Variants in CNTNAP2 observed in about 807,000 individuals in gnomAD.
The protein encoded by CNTNAP2 is contactin associated protein 2.
CNTNAP2 carries 98 observed loss-of-function variants against 155.2 expected under a neutral mutation model. The ratio of observed to expected loss-of-function variants is 0.63; its 90% CI spans 0.54 to 0.75. The LOEUF is 0.75. Among genes scored for constraint, CNTNAP2 ranks in the 30% least tolerant of loss-of-function variants. The pLI is 0.00. For missense variants in CNTNAP2, 1,727 were observed against 1,688.1 expected, an observed-to-expected ratio of 1.02 and a Z score of -0.40; for synonymous variants, 651 against 631.2, an observed-to-expected ratio of 1.03 and a Z score of -0.47.
intron 9 of CNTNAP2, among the ~76,000 whole-genome samples, chr7:147,327,862 AT>A (rs989680863): frequency 6.6e-6 from 1 of 152,178 alleles, no homozygotes; most frequent in African/African-American, 2.4e-5. Context: ...AGGAGTGAAA[AT>A]GCAAATGTCA....
intron 1 of CNTNAP2, among the ~76,000 whole-genome samples, chr7:146,566,755 A>G (rs1297241373): frequency 1.3e-5 from 2 of 151,994 alleles, no homozygotes; most frequent in Non-Finnish European, 2.9e-5. Flanking sequence ...AAAGTAGACT[A>G]TTTACAAGAT....
intron 1 of CNTNAP2, among the ~76,000 whole-genome samples, chr7:146,673,313 T>A (rs1445641539): frequency 1.3e-5 from 2 of 152,216 alleles, no homozygotes; most frequent in African/African-American, 4.8e-5. Flanking sequence ...TCATTTCAGT[T>A]TTAACTAAAG....
chr7:147,126,324 A>G (rs1019692613), intron 6 of CNTNAP2, among the ~76,000 whole-genome samples: 1 of 152,198 alleles, frequency 6.6e-6, no homozygotes, highest in Non-Finnish European at 1.5e-5. Flanking sequence ...TTGGATGGCA[A>G]GGTCATTAAT....
chr7:147,994,094 G>T (rs1238955569), intron 15 of CNTNAP2, among the ~76,000 whole-genome samples: 2 of 152,114 alleles, frequency 1.3e-5, no homozygotes, highest in East Asian at 1.9e-4. Context: ...ATTAGGCTGG[G>T]TGCATTGGCT....
chr7:146,606,151 T>C (rs1799043565), intron 1 of CNTNAP2, among the ~76,000 whole-genome samples: 1 of 152,290 alleles, frequency 6.6e-6, no homozygotes, highest in East Asian at 1.9e-4. Context: ...TTGGCATAAT[T>C]ATTAATATAC....
chr7:148,300,344 C>T (rs1222983953), intron 21 of CNTNAP2, among the ~76,000 whole-genome samples: 2 of 152,080 alleles, frequency 1.3e-5, no homozygotes, highest in Non-Finnish European at 2.9e-5. Flanking sequence ...AAGATAAATA[C>T]ATGTGTAAAA....
Position 147,044,049 on chromosome 7 carries a change from C to T in CNTNAP2, c.545C>T (p.Ser182Phe). The T allele has an allele frequency of 6.2e-7, 1 of 1,614,020 alleles. No homozygotes were observed. The highest frequency in any genetic ancestry group is 8.5e-7 in the Non-Finnish European group (1 of 1,179,966). The change falls in exon 4 of 24, where the codon TCT becomes TTT. Residue 182 changes from serine to phenylalanine, a missense_variant. Physicochemically the swap from Ser to Phe is radical, Grantham distance 155. Transcript: ENST00000361727. The stretch of plus-strand genomic sequence containing the variant: ...CTCAGAATTGAAGTTTATGGCTGTT[C>T]TTACTGTGAGTATCGTATTGTTTAA... ...IGLRIEVYGC[S>F]YWADVINFDG...
chr7:146,359,140 T>C (rs1795046040), intron 1 of CNTNAP2, among the ~76,000 whole-genome samples: 2 of 152,224 alleles, frequency 1.3e-5, no homozygotes, highest in Admixed American at 6.5e-5. Flanking sequence ...TTAGAGAGAA[T>C]AGGAATTTTC....
chr7:147,949,020 G>A (rs1323239393), intron 14 of CNTNAP2, among the ~76,000 whole-genome samples: 5 of 151,744 alleles, frequency 3.3e-5, no homozygotes, highest in Non-Finnish European at 7.4e-5. Context: ...TGAACAACAC[G>A]GAGAAACCCC....
At chr7:147,645,532 T>C (rs1454034714) in intron 13 of CNTNAP2, among the ~76,000 whole-genome samples, 2 of 152,202 alleles carry the variant, frequency 1.3e-5, no homozygotes, top group African/African-American at 4.8e-5. Context: ...TAGAAAATTG[T>C]ATCGAGTAAT....
intron 21 of CNTNAP2, among the ~76,000 whole-genome samples, chr7:148,311,137 G>A (rs778676157): frequency 2.8e-4 from 42 of 149,748 alleles, no homozygotes; most frequent in Admixed American, 6.6e-4. Flanking sequence ...TTTCAAGTAA[G>A]TGTGGAGGAG....
At chr7:147,298,767 T>G (rs1243920580) in intron 8 of CNTNAP2, among the ~76,000 whole-genome samples, 1 of 152,228 alleles carries the variant, frequency 6.6e-6, no homozygotes, top group Non-Finnish European at 1.5e-5. Flanking sequence ...CAATAACATT[T>G]ATATGGACAC....
chr7:147,576,866 G>A (rs890584543), intron 12 of CNTNAP2, among the ~76,000 whole-genome samples: 6 of 152,016 alleles, frequency 3.9e-5, no homozygotes, highest in Non-Finnish European at 7.4e-5. Context: ...ACCCCCCTAT[G>A]AAGTGTGGGT....
intron 13 of CNTNAP2, among the ~76,000 whole-genome samples, chr7:147,897,245 T>C (rs1353667225): frequency 6.6e-6 from 1 of 152,190 alleles, no homozygotes; most frequent in African/African-American, 2.4e-5. Context: ...TATTACTGTC[T>C]GCAATGAAAA....
At chr7:146,693,404 G>A (rs941529153) in intron 1 of CNTNAP2, among the ~76,000 whole-genome samples, 3 of 151,326 alleles carry the variant, frequency 2.0e-5, no homozygotes, top group African/African-American at 7.3e-5. Context: ...CATTAACTTT[G>A]TTTCTTCTTA....
At chr7:146,620,829 A>G (rs1451112689) in intron 1 of CNTNAP2, among the ~76,000 whole-genome samples, 2 of 152,080 alleles carry the variant, frequency 1.3e-5, no homozygotes, top group Admixed American at 6.6e-5. Flanking sequence ...CTGCTTTTTT[A>G]CTTTCTTTCT....
chr7:146,554,774 G>A (rs1171931602), intron 1 of CNTNAP2, among the ~76,000 whole-genome samples: 1 of 152,208 alleles, frequency 6.6e-6, no homozygotes, highest in African/African-American at 2.4e-5. Context: ...GGCAGGTGGT[G>A]TGCACTGCAC....
intron 11 of CNTNAP2, among the ~76,000 whole-genome samples, chr7:147,514,613 ATTTGAACT>A: frequency 1.6e-5 from 2 of 122,516 alleles, no homozygotes. Context: ...AGAAAGTGAG[ATTTGAACT>A]AAAAAAAAAA....
intron 15 of CNTNAP2, among the ~76,000 whole-genome samples, chr7:148,043,394 G>C (rs1585093969): frequency 6.6e-6 from 1 of 152,120 alleles, no homozygotes; most frequent in Non-Finnish European, 1.5e-5. Context: ...CACACAGGAG[G>C]CCTCTTCATT....
Sources: gnomAD v4.1 joint callset for allele counts (sites outside exome capture counted in the v4.1 genomes callset) on GRCh38, gnomAD v4.1.1 for gene constraint, MANE v1.5 for transcripts, NCBI Gene and HGNC (gene_info 2026-07-23, HGNC 2026-07-21) for gene names.